Variants in SUMF1 observed in about 807,000 individuals in gnomAD.
SUMF1 encodes the protein sulfatase modifying factor 1.
SUMF1 carries 48 observed loss-of-function variants against 47.6 expected under a neutral mutation model. The observed-to-expected ratio is 1.01, with a 90% confidence interval of 0.80 to 1.28. SUMF1 has a LOEUF of 1.28. Among genes scored for constraint, SUMF1 ranks in the 50% most tolerant of loss-of-function variants. SUMF1 has a pLI of 0.00. For synonymous variants in SUMF1, 230 were observed against 192.1 expected, an observed-to-expected ratio of 1.20 and a Z score of -1.63; for missense variants, 571 against 485.4, an observed-to-expected ratio of 1.18 and a Z score of -1.66.
intron 8 of SUMF1, among the ~76,000 whole-genome samples, chr3:4,223,942 C>T (rs73020674): frequency 0.012 from 1,839 of 152,218 alleles, 24 homozygotes; most frequent in Non-Finnish European, 0.021. Context: ...GCCTCATAAT[C>T]CCCCTAGCTA....
intron 8 of SUMF1, chr3:4,303,278 C>G: frequency 7.4e-7 from 1 of 1,345,548 alleles, no homozygotes; most frequent in African/African-American, 1.6e-5. Flanking sequence ...ACTACAATTC[C>G]CATGAGGCGG....
intron 8 of SUMF1, chr3:4,303,295 C>T: frequency 7.8e-6 from 11 of 1,407,264 alleles, no homozygotes; most frequent in Non-Finnish European, 1.0e-5. Flanking sequence ...GCGGTGGGGC[C>T]ACGGGACCAC....
chr3:4,458,682 C>T lies in SUMF1; in HGVS notation c.271-5633G>A, dbSNP rs368048725. Among the ~76,000 whole-genome samples the T allele has an allele frequency of 4.7e-4, 72 of 152,080 alleles. 2 individuals carry two copies. The highest frequency in any genetic ancestry group is 1.4e-3 in the Admixed American group (21 of 15,268). Reference sequence around the variant, plus strand: ...CATCCTGGCTAACACGGTGAAATCCCGTCTCCACTAAAAATACAAAAACTT... The same window carrying T: ...CATCCTGGCTAACACGGTGAAATCCTGTCTCCACTAAAAATACAAAAACTT... On this transcript the variant is annotated intron_variant, in intron 1 of 8. Coordinates refer to ENST00000272902, the MANE Select transcript of SUMF1 (RefSeq NM_182760.4).
intron 8 of SUMF1, among the ~76,000 whole-genome samples, chr3:4,252,177 C>T (rs1220491469): frequency 6.6e-6 from 1 of 152,174 alleles, no homozygotes; most frequent in African/African-American, 2.4e-5. Context: ...CAATTCTAAT[C>T]TACAAAATAT....
intron 8 of SUMF1, chr3:4,068,829 G>C (rs1338371388): frequency 4.3e-6 from 1 of 231,808 alleles, no homozygotes; most frequent in Non-Finnish European, 9.0e-6. Flanking sequence ...TGACAGGCAT[G>C]CTAAATTTTA....
At chr3:4,318,915 C>A (rs1425848303) in intron 8 of SUMF1, among the ~76,000 whole-genome samples, 2 of 151,554 alleles carry the variant, frequency 1.3e-5, no homozygotes, top group East Asian at 1.9e-4. Context: ...CAAAAAAACA[C>A]AAAAAAAGCC....
At chr3:4,253,840 C>T (rs1401406021) in intron 8 of SUMF1, among the ~76,000 whole-genome samples, 1 of 149,044 alleles carries the variant, frequency 6.7e-6, no homozygotes, top group East Asian at 2.0e-4. Flanking sequence ...ACAGCAGTAA[C>T]CTCTGCAGAC....
chr3:4,285,931 G>T (rs569258162), intron 8 of SUMF1, among the ~76,000 whole-genome samples: 2 of 152,000 alleles, frequency 1.3e-5, no homozygotes, highest in Non-Finnish European at 2.9e-5. Flanking sequence ...GCTAATAGTC[G>T]GAGCATGTTG....
rs552872629 is a variant in SUMF1, at chr3:4,058,223, CA to C, written c.1191+10345del. ...GCACCACAATCTGTATTCACAATCA[CA>C]AAGCCATGTTGCTCGCGAGCAGGTA... On this transcript the variant is annotated intron_variant and NMD_transcript_variant, in intron 9 of 12. Coordinates refer to the SUMF1 transcript ENST00000448413. Among the ~76,000 whole-genome samples, 196 of 152,230 alleles carry C rather than the reference CA, an allele frequency of 1.3e-3. 2 individuals carry two copies. Among genetic ancestry groups the C allele is most frequent in the African/African-American group, 4.6e-3 (189 of 41,532 alleles).
intron 8 of SUMF1, among the ~76,000 whole-genome samples, chr3:4,371,334 A>G (rs1700161125): frequency 6.6e-6 from 1 of 152,196 alleles, no homozygotes; most frequent in African/African-American, 2.4e-5. Context: ...ATTGATCTCC[A>G]TGTCTGTGCT....
chr3:4,392,590 T>C lies in SUMF1; in HGVS notation c.955-16201A>G, dbSNP rs577176849. 5.1e-5 allele frequency among the ~76,000 whole-genome samples: 5 copies of C among 97,438 alleles called. No individual in the cohort carries two copies. The South Asian group carries it at 9.1e-4, about 18-fold the overall frequency. 63.9% of individuals were successfully genotyped at this position (97,438 alleles called of 152,430 possible). A position where few individuals can be genotyped will look rare whatever the true frequency, so the allele number is the denominator to read the frequency against. ...TCTTAAATGTTTATATGTTCAGATA[T>C]ATATGTGTGTGTGTGTGTGTGTGTG... On this transcript the variant is annotated intron_variant, in intron 7 of 8. Coordinates refer to ENST00000272902, the MANE Select transcript of SUMF1 (RefSeq NM_182760.4).
At chr3:4,096,592 A>T (rs1283680932) in intron 8 of SUMF1, among the ~76,000 whole-genome samples, 3 of 152,120 alleles carry the variant, frequency 2.0e-5, no homozygotes, top group Admixed American at 6.5e-5. Flanking sequence ...TTAAGTAAGG[A>T]CTAGTCCACA....
intron 8 of SUMF1, chr3:4,316,517 G>A (rs573262123): frequency 3.5e-5 from 55 of 1,588,784 alleles, no homozygotes; most frequent in South Asian, 2.0e-4. Flanking sequence ...ACCATTCTAC[G>A]GTCGTTCGAC....
Position 4,117,664 on chromosome 3 carries a change from C to G in SUMF1, c.1015-48919G>C, listed in dbSNP as rs544474135. Among the ~76,000 whole-genome samples the G allele has an allele frequency of 5.3e-5, 8 of 152,078 alleles. No individual in the cohort carries two copies. In the South Asian group the frequency reaches 1.7e-3, roughly 32 times the overall value. On this transcript the variant is annotated intron_variant and NMD_transcript_variant, in intron 8 of 12. Coordinates refer to the SUMF1 transcript ENST00000448413. The stretch of plus-strand genomic sequence containing the variant: ...TTATCAAGAATGAGGACAATAATAC[C>G]TAATTCAGGTAAGAATTCCCTGAGA...
At chr3:4,266,731 A>C (rs868441193) in intron 8 of SUMF1, among the ~76,000 whole-genome samples, 1 of 149,196 alleles carries the variant, frequency 6.7e-6, no homozygotes, top group African/African-American at 2.5e-5. Context: ...TCTCCTGCCT[A>C]ATTGCCCTGG....
chr3:4,201,772 T>C (rs558200138), intron 8 of SUMF1, among the ~76,000 whole-genome samples: 3 of 152,100 alleles, frequency 2.0e-5, no homozygotes, highest in African/African-American at 7.2e-5. Context: ...AGTACGAGGG[T>C]TCCCTTTTCT....
At chr3:4,182,159 A>G (rs756461623) in intron 8 of SUMF1, among the ~76,000 whole-genome samples, 35 of 152,254 alleles carry the variant, frequency 2.3e-4, no homozygotes, top group East Asian at 7.7e-4. Context: ...GTTTTACTTA[A>G]TACAAGGTGT....
chr3:4,061,680 C>T (rs769229293), intron 9 of SUMF1, among the ~76,000 whole-genome samples: 10 of 151,962 alleles, frequency 6.6e-5, no homozygotes, highest in Non-Finnish European at 8.8e-5. Context: ...TGGTGGGGGA[C>T]ACATAAGGGA....
intron 8 of SUMF1, among the ~76,000 whole-genome samples, chr3:4,108,101 A>G (rs1056826184): frequency 6.6e-6 from 1 of 152,200 alleles, no homozygotes; most frequent in South Asian, 2.1e-4. Context: ...CTATTCATAA[A>G]GAGAGATGAT....
Sources: allele counts gnomAD v4.1 joint callset (sites outside exome capture counted in the v4.1 genomes callset), GRCh38; gene constraint gnomAD v4.1.1; transcripts MANE v1.5; gene names NCBI Gene and HGNC (gene_info 2026-07-23, HGNC 2026-07-21).